The following FAM78B variants were observed in gnomAD, a reference collection of about 807,000 sequenced individuals.
The protein encoded by FAM78B is protein FAM78B.
A neutral mutation model predicts 20.0 loss-of-function variants in FAM78B; 10 were observed. That is an observed-to-expected ratio of 0.50 (90% CI 0.31 to 0.85). FAM78B has a LOEUF of 0.85. Ranked by LOEUF, FAM78B falls within the 40% of genes least tolerant of loss-of-function variation. The pLI is 0.05. For synonymous variants in FAM78B, 135 were observed against 132.8 expected, an observed-to-expected ratio of 1.02 and a Z score of -0.12; for missense variants, 283 against 345.0, an observed-to-expected ratio of 0.82 and a Z score of 1.42.
Position 166,127,447 on chromosome 1 carries a change from C to G in FAM78B, c.263+38539G>C, listed in dbSNP as rs55869798. Among the ~76,000 whole-genome samples the G allele has an allele frequency of 9.5e-3, 1,443 of 152,262 alleles. 15 individuals are homozygous for G. The highest frequency in any genetic ancestry group is 0.037 in the Middle Eastern group (11 of 294). ...TTTTTGTCTCTATTACATGGAGAGT[C>G]CAACTTCCTTCCAGGGGACTCAGGA... On this transcript the variant is annotated intron_variant, in intron 1 of 1. Coordinates refer to ENST00000354422, the MANE Select transcript of FAM78B (RefSeq NM_001017961.5).
exon 3 of FAM78B, chr1:166,057,760 G>A (rs964583050): frequency 3.9e-5 from 6 of 152,174 alleles, no homozygotes; most frequent in African/African-American, 1.4e-4. Context: ...GTGTAGGGGA[G>A]CAGGGTAAGG....
chr1:166,110,868 T>TA (rs1208674981), intron 1 of FAM78B, among the ~76,000 whole-genome samples: 1 of 152,192 alleles, frequency 6.6e-6, no homozygotes. Context: ...ATTAAGAAGT[T>TA]ACAAGTGTGA....
chr1:166,084,266 TTCTC>T (rs1158782845), intron 1 of FAM78B, among the ~76,000 whole-genome samples: 2 of 99,410 alleles, frequency 2.0e-5, no homozygotes, highest in Non-Finnish European at 4.4e-5. Flanking sequence ...CTCTCTCTCT[TTCTC>T]TCTCTCTCTT....
chr1:166,070,880 G>T lies in FAM78B; in HGVS notation c.264-117C>A, dbSNP rs1571130915. Reference sequence around the variant, plus strand: ...ACTTGGGCAAAATGGGAAGTTCACAGGGGGAATTCAGGGCAAAAAGTTCTA... The same window carrying T: ...ACTTGGGCAAAATGGGAAGTTCACATGGGGAATTCAGGGCAAAAAGTTCTA... On this transcript the variant is annotated intron_variant, in intron 1 of 1. Transcript: ENST00000354422. 3 of 1,160,914 alleles carry T rather than the reference G, an allele frequency of 2.6e-6. No individual in the cohort carries two copies. In the East Asian group the frequency reaches 7.6e-5, roughly 29 times the overall value. The allele number at this position is 1,160,914 out of a possible 1,614,324, so 71.9% of individuals were successfully genotyped here.
intron 1 of FAM78B, among the ~76,000 whole-genome samples, chr1:166,114,345 G>A (rs777150287): frequency 4.1e-4 from 62 of 152,166 alleles, no homozygotes; most frequent in Admixed American, 7.2e-4. Context: ...TGCTGAAGCC[G>A]ACTGGTTCAT....
At chr1:166,089,248 T>C (rs1011590158) in intron 1 of FAM78B, among the ~76,000 whole-genome samples, 4 of 152,260 alleles carry the variant, frequency 2.6e-5, no homozygotes, top group African/African-American at 9.6e-5. Context: ...TCACCATTTG[T>C]AATTATATAC....
At chr1:166,094,554 T>C (rs1653202882) in intron 1 of FAM78B, among the ~76,000 whole-genome samples, 1 of 152,216 alleles carries the variant, frequency 6.6e-6, no homozygotes, top group South Asian at 2.1e-4. Context: ...TTGTGATCTG[T>C]CAGGGCAGAT....
At chr1:166,101,430 C>A (rs1180727555) in intron 1 of FAM78B, among the ~76,000 whole-genome samples, 1 of 152,018 alleles carries the variant, frequency 6.6e-6, no homozygotes, top group East Asian at 1.9e-4. Flanking sequence ...TGAGGAAGTT[C>A]AAACCCATGG....
intron 1 of FAM78B, among the ~76,000 whole-genome samples, chr1:166,098,383 G>A (rs2101744591): frequency 6.6e-6 from 1 of 152,112 alleles, no homozygotes; most frequent in East Asian, 1.9e-4. Context: ...TGATCCAAAC[G>A]AAGAAGAAAC....
intron 1 of FAM78B, among the ~76,000 whole-genome samples, chr1:166,126,381 T>C (rs4657518): frequency 0.99 from 150,708 of 152,314 alleles, 74,574 homozygotes; most frequent in South Asian, 1. Flanking sequence ...ACACAATAAA[T>C]GAGTAGTAAA....
chr1:166,124,539 A>G (rs1185355863), intron 1 of FAM78B, among the ~76,000 whole-genome samples: 4 of 152,198 alleles, frequency 2.6e-5, no homozygotes, highest in Non-Finnish European at 4.4e-5. Context: ...CAGATAATTT[A>G]TATCACTTGC....
chr1:166,116,223 CAT>C (rs1486090937), intron 1 of FAM78B, among the ~76,000 whole-genome samples: 3 of 152,204 alleles, frequency 2.0e-5, no homozygotes, highest in South Asian at 2.1e-4. Flanking sequence ...ATTGCTCAGA[CAT>C]GTGTGCAGAC....
chr1:166,141,205 T>C (rs1655263484), intron 1 of FAM78B, among the ~76,000 whole-genome samples: 1 of 152,194 alleles, frequency 6.6e-6, no homozygotes, highest in Non-Finnish European at 1.5e-5. Context: ...GGGACAGCAA[T>C]GTGCAACGTA....
At chr1:166,136,889 G>A (rs1655085155) in intron 1 of FAM78B, among the ~76,000 whole-genome samples, 1 of 152,148 alleles carries the variant, frequency 6.6e-6, no homozygotes, top group Non-Finnish European at 1.5e-5. Context: ...CATAATGCCT[G>A]GCACACAGTT....
exon 3 of FAM78B, chr1:166,060,455 G>A (rs1340827651): frequency 1.2e-5 from 6 of 508,864 alleles, no homozygotes; most frequent in Non-Finnish European, 2.1e-5. Flanking sequence ...CCCAGGGCAA[G>A]TGCCACATGG....
intron 1 of FAM78B, among the ~76,000 whole-genome samples, chr1:166,133,708 C>G (rs1654963858): frequency 6.6e-6 from 1 of 152,174 alleles, no homozygotes; most frequent in East Asian, 1.9e-4. Context: ...TAGAGCAGGT[C>G]TTTGCACACC....
intron 1 of FAM78B, among the ~76,000 whole-genome samples, chr1:166,117,248 T>C (rs538785868): frequency 6.6e-6 from 1 of 152,286 alleles, no homozygotes; most frequent in South Asian, 2.1e-4. Flanking sequence ...AATCCCTGAG[T>C]AGGATACTTA....
At chr1:166,157,627 C>A (rs1164994232) in intron 1 of FAM78B, among the ~76,000 whole-genome samples, 1 of 152,180 alleles carries the variant, frequency 6.6e-6, no homozygotes. Context: ...GAGCTGATGA[C>A]AAAGCCAGGG....
At chr1:166,142,329 C>T (rs1307799217) in intron 1 of FAM78B, among the ~76,000 whole-genome samples, 1 of 152,148 alleles carries the variant, frequency 6.6e-6, no homozygotes, top group Non-Finnish European at 1.5e-5. Context: ...TCCCTGTGCC[C>T]TAAGTCTTCT....
Sources: gnomAD v4.1 joint callset for allele counts (sites outside exome capture counted in the v4.1 genomes callset) on GRCh38, gnomAD v4.1.1 for gene constraint, MANE v1.5 for transcripts, NCBI Gene and HGNC (gene_info 2026-07-23, HGNC 2026-07-21) for gene names.